Variants in CSMD1 observed in about 807,000 individuals in gnomAD.
CSMD1 encodes CUB and Sushi multiple domains 1.
In CSMD1, 213 loss-of-function variants were observed where a neutral mutation model predicts 417.5. The ratio of observed to expected loss-of-function variants is 0.51; its 90% CI spans 0.46 to 0.57. CSMD1 has a LOEUF of 0.57. Among genes scored for constraint, CSMD1 ranks in the 20% least tolerant of loss-of-function variants. CSMD1 has a pLI of 0.00. For synonymous variants in CSMD1, 2,862 were observed against 1,736.8 expected, an observed-to-expected ratio of 1.65 and a Z score of -16.11; for missense variants, 6,923 against 4,529.7, an observed-to-expected ratio of 1.53 and a Z score of -15.17.
At chr8:4,951,604 G>A (rs747079750) in intron 1 of CSMD1, among the ~76,000 whole-genome samples, 19 of 151,310 alleles carry the variant, frequency 1.3e-4, no homozygotes, top group South Asian at 4.2e-4. Flanking sequence ...AAAAACCTGC[G>A]GGGTTTTTTT....
intron 4 of CSMD1, among the ~76,000 whole-genome samples, chr8:4,021,713 T>G (rs1796798315): frequency 6.6e-6 from 1 of 152,218 alleles, no homozygotes; most frequent in Non-Finnish European, 1.5e-5. Flanking sequence ...TTTCTCTATG[T>G]ATTGTTGCAA....
intron 3 of CSMD1, among the ~76,000 whole-genome samples, chr8:4,141,212 C>G (rs951353567): frequency 2.0e-5 from 3 of 151,128 alleles, no homozygotes; most frequent in African/African-American, 7.4e-5. Flanking sequence ...ATCAGAAAGA[C>G]TGGAAACCTT....
At chr8:3,066,977 AGACTGAC>A (rs577506716) in intron 49 of CSMD1, among the ~76,000 whole-genome samples, 124 of 152,334 alleles carry the variant, frequency 8.1e-4, no homozygotes, top group African/African-American at 2.9e-3. Flanking sequence ...AAAGAGGTAC[AGACTGAC>A]GAAAATCCAC....
At chr8:3,934,840 C>T (rs1424158085) in intron 5 of CSMD1, among the ~76,000 whole-genome samples, 1 of 152,114 alleles carries the variant, frequency 6.6e-6, no homozygotes, top group Non-Finnish European at 1.5e-5. Context: ...GAGCAAGACT[C>T]TGTCTCAATA....
At chr8:3,895,678 A>T (rs1046554048) in intron 5 of CSMD1, among the ~76,000 whole-genome samples, 1 of 152,220 alleles carries the variant, frequency 6.6e-6, no homozygotes, top group Non-Finnish European at 1.5e-5. Context: ...CATATTTATA[A>T]TCCAAGTATT....
At position 3,544,570 on chromosome 8, in the gene CSMD1, C is replaced by T. The variant is rs565300818; in HGVS notation, c.1344+30375G>A. 1.6e-3 allele frequency among the ~76,000 whole-genome samples: 239 copies of T among 152,136 alleles called. 1 individual carries two copies. The highest frequency in any genetic ancestry group is 5.7e-3 in the African/African-American group (235 of 41,524). Reference sequence around the variant, plus strand: ...TGTTTCTTGCATGAGATCCAAGAACCCTCTCTTAGGGTCTGGATTGGGATC... The same window carrying T: ...TGTTTCTTGCATGAGATCCAAGAACTCTCTCTTAGGGTCTGGATTGGGATC... On this transcript the variant is annotated intron_variant, in intron 10 of 69. Transcript: ENST00000635120.
intron 2 of CSMD1, among the ~76,000 whole-genome samples, chr8:4,489,676 T>C (rs756387833): frequency 6.6e-6 from 1 of 152,188 alleles, no homozygotes; most frequent in Admixed American, 6.5e-5. Flanking sequence ...TGAGCACCTA[T>C]GTTTGATCTG....
chr8:4,825,749 T>C (rs1417413969), intron 1 of CSMD1, among the ~76,000 whole-genome samples: 1 of 145,516 alleles, frequency 6.9e-6, no homozygotes, highest in Non-Finnish European at 1.5e-5. Flanking sequence ...ATATCTGAGA[T>C]ATAGAGATAT....
intron 5 of CSMD1, among the ~76,000 whole-genome samples, chr8:3,880,959 A>C (rs1178435280): frequency 2.0e-5 from 3 of 152,208 alleles, no homozygotes; most frequent in East Asian, 3.8e-4. Flanking sequence ...TAGAAAAGAC[A>C]ACTGCATTTT....
chr8:4,247,659 G>T (rs1252929786), intron 3 of CSMD1, among the ~76,000 whole-genome samples: 1 of 152,144 alleles, frequency 6.6e-6, no homozygotes, highest in Non-Finnish European at 1.5e-5. Context: ...CATTCAACAT[G>T]TGAAATTAAT....
intron 7 of CSMD1, among the ~76,000 whole-genome samples, chr8:3,684,294 TA>T (rs1799825344): frequency 6.9e-6 from 1 of 144,336 alleles, no homozygotes; most frequent in Non-Finnish European, 1.5e-5. Context: ...ATATAATATA[TA>T]AATTATATAT....
At chr8:3,802,239 G>C in intron 5 of CSMD1, among the ~76,000 whole-genome samples, 1 of 152,038 alleles carries the variant, frequency 6.6e-6, no homozygotes, top group East Asian at 1.9e-4. Context: ...ACATGATAGA[G>C]GCATAAAATG....
rs558300371 is a variant in CSMD1, at chr8:3,578,617, G to A, written c.1223-3551C>T. Among the ~76,000 whole-genome samples, 21 of 152,246 alleles carry A rather than the reference G, an allele frequency of 1.4e-4. No individual in the cohort carries two copies. The South Asian group carries it at 1.7e-3, about 12-fold the overall frequency. ...TAAGTTCTGACTCAGAAACATAGAC[G>A]TATGAAAGTTTATCACCTGCCTCTC... On this transcript the variant is annotated intron_variant, in intron 9 of 69. Coordinates refer to ENST00000635120, the MANE Select transcript of CSMD1 (RefSeq NM_033225.6).
chr8:4,758,837 C>T (rs1337115327), intron 1 of CSMD1, among the ~76,000 whole-genome samples: 1 of 152,176 alleles, frequency 6.6e-6, no homozygotes, highest in Non-Finnish European at 1.5e-5. Context: ...CACCAGGTCT[C>T]TCCCTCAAAA....
chr8:2,938,820 G>A (rs1386288827), intron 69 of CSMD1, 76 bp from the exon 70 acceptor site: 1 of 1,339,072 alleles, frequency 7.5e-7, no homozygotes. Context: ...GTGTGCAGGA[G>A]ACAACGTCTA....
Position 2,988,448 on chromosome 8 carries a change from G to C in CSMD1, c.8377+9563C>G, listed in dbSNP as rs527895272. Among the ~76,000 whole-genome samples, 21 of 152,302 alleles carry C rather than the reference G, an allele frequency of 1.4e-4. No homozygotes were observed. In the South Asian group the frequency reaches 3.9e-3, roughly 29 times the overall value. On this transcript the variant is annotated intron_variant, in intron 54 of 69. Coordinates refer to ENST00000635120, the MANE Select transcript of CSMD1 (RefSeq NM_033225.6). ...TGTGAATCATCCTGAAACGATGTGA[G>C]ACCTGGTAAATCTAACTGGTCCCTC...
chr8:4,109,063 T>C (rs372652882), intron 3 of CSMD1, among the ~76,000 whole-genome samples: 36 of 152,332 alleles, frequency 2.4e-4, no homozygotes, highest in East Asian at 1.7e-3. Flanking sequence ...TAAAATGGCA[T>C]AGTATTTGCA....
chr8:4,740,919 G>A lies in CSMD1; in HGVS notation c.86-103361C>T, dbSNP rs887172865. On this transcript the variant is annotated intron_variant, in intron 1 of 69. Coordinates refer to ENST00000635120, the MANE Select transcript of CSMD1 (RefSeq NM_033225.6). ...AACAGCTAACTTTCCTGACTTTAAAGTTTCAAAACAAAAAACACTTATTAA... is the reference window on the plus strand; with the variant it reads ...AACAGCTAACTTTCCTGACTTTAAAATTTCAAAACAAAAAACACTTATTAA... Among the ~76,000 whole-genome samples, 4 of 151,952 alleles carry A rather than the reference G, an allele frequency of 2.6e-5. No homozygotes were observed. In the South Asian group the frequency reaches 6.2e-4, roughly 24 times the overall value.
chr8:2,938,858 G>A lies in CSMD1; in HGVS notation c.10536-114C>T, dbSNP rs1191061488. On this transcript the variant is annotated intron_variant, in intron 69 of 69. Transcript: ENST00000635120. The stretch of plus-strand genomic sequence containing the variant: ...GAGCAGGGAGCAGTATAGCCAGGAC[G>A]TTTGCAAAGAAGGAAGGCATCCACA... 24 of 894,756 alleles carry A rather than the reference G, an allele frequency of 2.7e-5. 1 individual carries two copies. In the South Asian group the frequency reaches 3.7e-4, roughly 14 times the overall value. The allele number at this position is 894,756 out of a possible 1,614,324, so 55.4% of individuals were successfully genotyped here. A position where few individuals can be genotyped will look rare whatever the true frequency, so the allele number is the denominator to read the frequency against.
Sources: allele counts gnomAD v4.1 joint callset (sites outside exome capture counted in the v4.1 genomes callset), GRCh38; gene constraint gnomAD v4.1.1; transcripts MANE v1.5; gene names NCBI Gene and HGNC (gene_info 2026-07-23, HGNC 2026-07-21).